SLC6A16: variants seen among roughly 807,000 people sequenced by gnomAD.
SLC6A16 encodes solute carrier family 6 member 16.
Under a neutral mutation model 65.4 loss-of-function variants are expected in SLC6A16, and 54 were observed. The ratio of observed to expected loss-of-function variants is 0.83; its 90% CI spans 0.66 to 1.04. The LOEUF is 1.04. SLC6A16 is among the 50% of genes least tolerant of loss of function. The pLI is 0.00. For missense variants in SLC6A16, 816 were observed against 914.0 expected (o/e 0.89, Z 1.38); for synonymous variants, 330 against 346.5 (o/e 0.95, Z 0.53).
chr19:49,323,020 C>A (rs1435351705), intron 1 of SLC6A16, among the ~76,000 whole-genome samples: 1 of 151,652 alleles, frequency 6.6e-6, no homozygotes, highest in African/African-American at 2.4e-5. Context: ...GTGTGTTACT[C>A]ACATAAAGAT....
chr19:49,338,045 C>A, the SLC6A16 span: 2 of 1,612,380 alleles, frequency 1.2e-6, no homozygotes, highest in Non-Finnish European at 1.7e-6. This position sits in a 1 kb window ranked among gnomAD's most constrained non-coding sequence, Gnocchi z 5.0. Flanking sequence ...CCCCCCTCCT[C>A]CAGTTCCCTC....
the SLC6A16 span, among the ~76,000 whole-genome samples, chr19:49,332,648 C>T: frequency 1.3e-5 from 2 of 152,266 alleles, no homozygotes; most frequent in East Asian, 3.9e-4. Flanking sequence ...TAATTATACC[C>T]GCAAAACCCT....
the SLC6A16 span, chr19:49,337,858 G>A: frequency 6.3e-7 from 1 of 1,587,420 alleles, no homozygotes. Context: ...CCTGAGGCTG[G>A]CACAGCCTGA....
the SLC6A16 span, among the ~76,000 whole-genome samples, chr19:49,331,024 A>G: frequency 5.3e-5 from 8 of 152,222 alleles, no homozygotes; most frequent in South Asian, 1.7e-3. Context: ...AGACTGCTGT[A>G]TAAATTACTA....
chr19:49,330,613 G>A, the SLC6A16 span, among the ~76,000 whole-genome samples: 4 of 152,110 alleles, frequency 2.6e-5, no homozygotes, highest in Non-Finnish European at 4.4e-5. Flanking sequence ...GTTCTCAAAC[G>A]TTAGTGCACA....
At chr19:49,299,954 T>A (rs1440296693) in intron 7 of SLC6A16, among the ~76,000 whole-genome samples, 1 of 138,488 alleles carries the variant, frequency 7.2e-6, no homozygotes, top group East Asian at 2.1e-4. Flanking sequence ...GCTGACACAG[T>A]GCTGCTGCAC....
intron 10 of SLC6A16, 61 bp downstream of exon 10, chr19:49,293,162 A>C: frequency 6.4e-7 from 1 of 1,558,300 alleles, no homozygotes; most frequent in Non-Finnish European, 8.8e-7. Flanking sequence ...GAGGCAACAA[A>C]AAAGGGGTCA....
At chr19:49,304,134 A>G (rs1970338117) in intron 7 of SLC6A16, among the ~76,000 whole-genome samples, 1 of 152,242 alleles carries the variant, frequency 6.6e-6, no homozygotes, top group Admixed American at 6.5e-5. Context: ...TTGATCAGTG[A>G]TGCTTTTGGA....
At chr19:49,330,612 C>T in the SLC6A16 span, among the ~76,000 whole-genome samples, 8 of 152,040 alleles carry the variant, frequency 5.3e-5, no homozygotes, top group African/African-American at 1.9e-4. Context: ...TGTTCTCAAA[C>T]GTTAGTGCAC....
At chr19:49,328,442 G>A (rs183815104), upstream of SLC6A16, among the ~76,000 whole-genome samples, 1 of 152,288 alleles carries the variant, frequency 6.6e-6, no homozygotes, top group East Asian at 1.9e-4. Context: ...GAGATTTTGG[G>A]TGGGGACACA....
the SLC6A16 span, chr19:49,340,041 T>G: frequency 6.7e-7 from 1 of 1,495,264 alleles, no homozygotes; most frequent in Non-Finnish European, 8.9e-7. Flanking sequence ...CTTCTCAGCC[T>G]CTACCCCCAC....
At chr19:49,300,051 G>A (rs1399631524) in intron 7 of SLC6A16, among the ~76,000 whole-genome samples, 1 of 149,606 alleles carries the variant, frequency 6.7e-6, no homozygotes, top group African/African-American at 2.5e-5. Context: ...CAAGTAGAAG[G>A]AAATCCCTCA....
chr19:49,311,249 T>C lies in SLC6A16; in HGVS notation c.99A>G (p.Glu33=). The C allele has an allele frequency of 3.1e-6, 5 of 1,614,056 alleles. No individual in the cohort carries two copies. The highest frequency in any genetic ancestry group is 3.4e-6 in the Non-Finnish European group (4 of 1,179,988). Residue 33 remains glutamate, a synonymous_variant, in exon 2 of 12, where the codon GAA becomes GAG. Coordinates refer to ENST00000335875, the MANE Select transcript of SLC6A16 (RefSeq NM_014037.3). ...SDSVPGSQTW[E]DKGSLTRSAT... is the part of the protein sequence containing the mutation. ...CAGACCGGGTCAATGAACCCTTGTC[T>C]TCCCACGTTTGACTTCCTGGGACAC...
rs189154526 is a variant in SLC6A16 at position 49,305,524 on chromosome 19, G to A, written c.1229+3352C>T. ...GGAGAATCGCTTGAACCCGGGAGGC[G>A]GAGGTTGCAGTGAGCCGAGATTGCA... On this transcript the variant is annotated intron_variant, in intron 7 of 11. Transcript: ENST00000335875. 7.3e-5 allele frequency among the ~76,000 whole-genome samples: 11 copies of A among 151,340 alleles called. No homozygotes were observed. In the East Asian group the frequency reaches 7.8e-4, roughly 11 times the overall value.
chr19:49,324,471 T>G (rs749857675), intron 1 of SLC6A16, among the ~76,000 whole-genome samples: 12 of 152,168 alleles, frequency 7.9e-5, no homozygotes, highest in Non-Finnish European at 1.5e-4. Context: ...TAAAGCCCCT[T>G]GAGCCCCAGG....
upstream of SLC6A16, among the ~76,000 whole-genome samples, chr19:49,330,172 T>G (rs551280602): frequency 1.3e-5 from 2 of 151,634 alleles, no homozygotes; most frequent in Non-Finnish European, 2.9e-5. Flanking sequence ...GGAGTGACAA[T>G]TTACTGAAAA....
upstream of SLC6A16, among the ~76,000 whole-genome samples, chr19:49,326,199 T>C (rs1387095849): frequency 2.6e-5 from 4 of 151,814 alleles, no homozygotes; most frequent in South Asian, 8.3e-4. Context: ...AAGAAAAAAT[T>C]TGGGGAGAAG....
chr19:49,337,040 G>A, the SLC6A16 span: 3 of 1,612,948 alleles, frequency 1.9e-6, no homozygotes, highest in East Asian at 4.5e-5. Flanking sequence ...CCTGGTGAGT[G>A]CACCATCCCT....
At chr19:49,326,084 CGTT>C (rs1235759451), upstream of SLC6A16, among the ~76,000 whole-genome samples, 2 of 151,094 alleles carry the variant, frequency 1.3e-5, no homozygotes, top group African/African-American at 4.9e-5. Flanking sequence ...GCAGGAGAAT[CGTT>C]GGAACCCAGG....
Sources: allele counts gnomAD v4.1 joint callset (sites outside exome capture counted in the v4.1 genomes callset), GRCh38; gene constraint gnomAD v4.1.1; non-coding constraint Gnocchi (gnomAD v3.1); transcripts MANE v1.5; gene names NCBI Gene and HGNC (gene_info 2026-07-23, HGNC 2026-07-21).